Variants in BZW1 observed in about 807,000 individuals in gnomAD.
BZW1 encodes the protein basic leucine zipper and W2 domains 1.
BZW1 carries 3 observed loss-of-function variants against 54.1 expected under a neutral mutation model. The ratio of observed to expected loss-of-function variants is 0.06; its 90% CI spans 0.03 to 0.14. BZW1 has a LOEUF of 0.14. Ranked by LOEUF, BZW1 falls within the 10% of genes least tolerant of loss-of-function variation. The pLI, the probability that BZW1 is intolerant of heterozygous loss-of-function variation, is 1.00. For missense variants in BZW1, 206 were observed against 491.7 expected (o/e 0.42, Z 5.50); for synonymous variants, 152 against 162.7 (o/e 0.93, Z 0.50).
chr2:200,821,553 C>G (rs990020913), intron 11 of BZW1, among the ~76,000 whole-genome samples: 3 of 149,752 alleles, frequency 2.0e-5, no homozygotes, highest in African/African-American at 4.9e-5. Flanking sequence ...TTGTGGATTT[C>G]TTTTCTTTTT....
rs2038667912 is a variant in BZW1, at chr2:200,825,472, C to G, written c.*3294C>G. ...TAGACCTTTGCATTGGCAGGCATGT[C>G]TTTATGTTTATACAGTGAAGTAGTA... On this transcript the variant is annotated 3_prime_UTR_variant, in exon 12 of 12. Transcript: ENST00000409600. 1 of 152,052 alleles carries G rather than the reference C, an allele frequency of 6.6e-6. No homozygotes were observed. Among genetic ancestry groups the G allele is most frequent in the Non-Finnish European group, 1.5e-5 (1 of 68,022 alleles). 9.4% of individuals were successfully genotyped at this position (152,052 alleles called of 1,614,324 possible). A position where few individuals can be genotyped will look rare whatever the true frequency, so the allele number is the denominator to read the frequency against.
chr2:200,811,938 C>G lies in BZW1; in HGVS notation c.-63C>G. 3.7e-6 allele frequency: 1 copy of G among 273,750 alleles called. No individual in the cohort carries two copies. Among genetic ancestry groups the G allele is most frequent in the Non-Finnish European group, 6.8e-6 (1 of 146,642 alleles). 17.0% of individuals were successfully genotyped at this position (273,750 alleles called of 1,614,324 possible). On this transcript the variant is annotated 5_prime_UTR_variant, in exon 1 of 12. Coordinates refer to ENST00000409600, the MANE Select transcript of BZW1 (RefSeq NM_001207067.2). Reference sequence around the variant, plus strand: ...TCCGGTCGCAGAGGAGACACCGCCGCAGTTGCCGGTACATCGGGGATTTCT... The same window carrying G: ...TCCGGTCGCAGAGGAGACACCGCCGGAGTTGCCGGTACATCGGGGATTTCT...
At position 200,818,380 on chromosome 2, in the gene BZW1, A is replaced by G; in HGVS notation, c.806A>G (p.Asp269Gly). The change falls in exon 8 of 12, where the codon GAT becomes GGT. Residue 269 changes from aspartate to glycine, a missense_variant. Physicochemically the swap from Asp to Gly is moderately conservative, Grantham distance 94. Coordinates refer to ENST00000409600, the MANE Select transcript of BZW1 (RefSeq NM_001207067.2). ...CTTCAAGAACAGATGTCCCGTGGTG[A>G]TCCATTTAAGGATGTAAGTTTTTGT... ...KELQEQMSRGDPFKDIILYVK... is the reference protein window; with the variant it reads ...KELQEQMSRGGPFKDIILYVK... 6.3e-7 allele frequency: 1 copy of G among 1,599,278 alleles called. No homozygotes were observed. The highest frequency in any genetic ancestry group is 8.5e-7 in the Non-Finnish European group (1 of 1,176,740).
intron 11 of BZW1, 45 bp from the exon 12 acceptor site, chr2:200,822,102 G>A: frequency 6.5e-7 from 1 of 1,544,910 alleles, no homozygotes; most frequent in Non-Finnish European, 8.9e-7. Context: ...GGGAACTTTT[G>A]CCTTCTGATA....
intron 1 of BZW1, chr2:200,812,204 C>A (rs979106311): frequency 7.4e-6 from 9 of 1,223,450 alleles, no homozygotes; most frequent in Non-Finnish European, 9.2e-6. Context: ...AGGTGGGGTC[C>A]GGGTGTGCGC....
At chr2:200,812,760 G>T in intron 1 of BZW1, 1 of 720,626 alleles carries the variant, frequency 1.4e-6, no homozygotes, top group Admixed American at 2.0e-5. Flanking sequence ...CCCGTAACCA[G>T]GCTTGTCAGA....
chr2:200,812,096 C>G (rs1334013053), intron 1 of BZW1, 106 bp downstream of exon 1: 1 of 616,502 alleles, frequency 1.6e-6, no homozygotes, highest in Non-Finnish European at 2.3e-6. Flanking sequence ...TTGGATGGGC[C>G]CGAACGGAGG....
At chr2:200,817,568 A>C (rs993837645) in intron 6 of BZW1, among the ~76,000 whole-genome samples, 3 of 152,202 alleles carry the variant, frequency 2.0e-5, no homozygotes, top group Non-Finnish European at 4.4e-5. Flanking sequence ...GGAAAATGTC[A>C]AGCTGGAAGG....
Position 200,815,438 on chromosome 2 carries a change from T to G in BZW1, c.162T>G (p.Leu54=), listed in dbSNP as rs1355309689. Residue 54 remains leucine, a synonymous_variant, in exon 3 of 12, where the codon CTT becomes CTG. Transcript: ENST00000409600. ...GTDLEAVAKF[L]DASGAKLDYR... ...ATTTGGAAGCAGTAGCTAAGTTTCTTGATGCTTCTGGAGCAAAACTTGATT... is the reference window on the plus strand; with the variant it reads ...ATTTGGAAGCAGTAGCTAAGTTTCTGGATGCTTCTGGAGCAAAACTTGATT... The G allele has an allele frequency of 1.9e-6, 3 of 1,613,922 alleles. No individual in the cohort carries two copies. In the South Asian group the frequency reaches 3.3e-5, roughly 18 times the overall value.
chr2:200,816,048 C>T (rs2038275005), intron 4 of BZW1, among the ~76,000 whole-genome samples: 1 of 152,140 alleles, frequency 6.6e-6, no homozygotes, highest in Non-Finnish European at 1.5e-5. Flanking sequence ...TGTGATTTCT[C>T]TAGTTTATCT....
rs1384949214 is a variant in BZW1, at chr2:200,825,491, A to AGT, written c.*3314_*3315dup. The AGT allele has an allele frequency of 6.6e-6, 1 of 152,176 alleles. No individual in the cohort carries two copies. Among genetic ancestry groups the AGT allele is most frequent in the East Asian group, 1.9e-4 (1 of 5,200 alleles). The allele number at this position is 152,176 out of a possible 1,614,324, so 9.4% of individuals were successfully genotyped here. On this transcript the variant is annotated 3_prime_UTR_variant, in exon 12 of 12. Transcript: ENST00000409600. ...GCATGTCTTTATGTTTATACAGTGAAGTAGTATTTTTTCTGTCAGGGTCAA... is the reference window on the plus strand; with the variant it reads ...GCATGTCTTTATGTTTATACAGTGAAGTGTAGTATTTTTTCTGTCAGGGTCAA...
At chr2:200,819,888 T>C in intron 9 of BZW1, 94 bp from the exon 10 acceptor site, 23 of 1,119,764 alleles carry the variant, frequency 2.1e-5, no homozygotes, top group Non-Finnish European at 2.7e-5. Flanking sequence ...TTATAAAAGA[T>C]GAGTTAAGTT....
At chr2:200,814,794 T>C (rs565918712) in intron 2 of BZW1, among the ~76,000 whole-genome samples, 8 of 152,318 alleles carry the variant, frequency 5.3e-5, no homozygotes, top group Admixed American at 4.6e-4. Context: ...TTTCTCTGAC[T>C]CTCAGTTTTC....
intron 9 of BZW1, 50 bp from the exon 10 acceptor site, chr2:200,819,932 G>A (rs1189158090): frequency 2.1e-6 from 3 of 1,432,120 alleles, no homozygotes; most frequent in South Asian, 3.0e-5. Context: ...TTTTGTAATG[G>A]ATGGTTATTT....
At position 200,812,632 on chromosome 2, in the gene BZW1, G is replaced by A. The variant is rs949416830; in HGVS notation, c.-10-576G>A. 11 of 1,315,052 alleles carry A rather than the reference G, an allele frequency of 8.4e-6. No individual in the cohort carries two copies. In the African/African-American group the frequency reaches 1.3e-4, roughly 16 times the overall value. The allele number at this position is 1,315,052 out of a possible 1,614,324, so 81.5% of individuals were successfully genotyped here. A position where few individuals can be genotyped will look rare whatever the true frequency, so the allele number is the denominator to read the frequency against. ...TGGGAGACACGTTACCGGGGAGGAG[G>A]CTAGGACTGTGGGATATGGGCGAAG... On this transcript the variant is annotated intron_variant, in intron 1 of 11. Coordinates refer to ENST00000409600, the MANE Select transcript of BZW1 (RefSeq NM_001207067.2).
chr2:200,812,501 G>A lies in BZW1; in HGVS notation c.-11+511G>A, dbSNP rs780937171. On this transcript the variant is annotated intron_variant, in intron 1 of 11. Transcript: ENST00000409600. Reference sequence around the variant, plus strand: ...GCCACCGCAGGCGACAGGGTCAGTGGAGAAAGAGCCGCGGGACCCTACGGC... The same window carrying A: ...GCCACCGCAGGCGACAGGGTCAGTGAAGAAAGAGCCGCGGGACCCTACGGC... 7.7e-4 allele frequency: 1,059 copies of A among 1,382,144 alleles called. 4 individuals are homozygous for A. The highest frequency in any genetic ancestry group is 5.0e-3 in the Middle Eastern group (21 of 4,216). 85.6% of individuals were successfully genotyped at this position (1,382,144 alleles called of 1,614,324 possible).
Position 200,818,220 on chromosome 2 carries a change from T to C in BZW1, c.649-3T>C, listed in dbSNP as rs777506482. The C allele has an allele frequency of 6.3e-5, 99 of 1,564,030 alleles. No individual in the cohort carries two copies. The African/African-American group carries it at 1.1e-3, about 17-fold the overall frequency. ...AGTTTAACCAGATAAATTCTTCTTT[T>C]AGGAACTCTTTCCTGCCAATAAGCA... On this transcript the variant is annotated splice_region_variant and splice_polypyrimidine_tract_variant and intron_variant, in intron 7 of 11. Coordinates refer to ENST00000409600, the MANE Select transcript of BZW1 (RefSeq NM_001207067.2).
chr2:200,818,138 A>G, intron 7 of BZW1, 55 bp downstream of exon 7: 3 of 1,510,018 alleles, frequency 2.0e-6, no homozygotes, highest in Non-Finnish European at 2.7e-6. Context: ...AATGAGAGAA[A>G]TTTCTCATTT....
Position 200,824,479 on chromosome 2 carries a change from G to A in BZW1, c.*2301G>A, listed in dbSNP as rs2038638514. The A allele has an allele frequency of 6.6e-6, 1 of 151,058 alleles. No homozygotes were observed. The highest frequency in any genetic ancestry group is 6.6e-5 in the Admixed American group (1 of 15,180). The allele number at this position is 151,058 out of a possible 1,614,324, so 9.4% of individuals were successfully genotyped here. On this transcript the variant is annotated 3_prime_UTR_variant, in exon 12 of 12. Coordinates refer to ENST00000409600, the MANE Select transcript of BZW1 (RefSeq NM_001207067.2). ...TAGCCTTACTCTGTGAGTTATAGAT[G>A]TTATTTCATTCTATATATAGATGTT...
Sources: gnomAD v4.1 joint callset for allele counts (sites outside exome capture counted in the v4.1 genomes callset) on GRCh38, gnomAD v4.1.1 for gene constraint, MANE v1.5 for transcripts, NCBI Gene and HGNC (gene_info 2026-07-23, HGNC 2026-07-21) for gene names.